The following CRACDL variants were observed in gnomAD, a reference collection of about 807,000 sequenced individuals.
CRACDL encodes CRACD like.
Under a neutral mutation model 70.6 loss-of-function variants are expected in CRACDL, and 26 were observed. The observed-to-expected ratio is 0.37, with a 90% CI of 0.27 to 0.51. The LOEUF is 0.51. Among genes scored for constraint, CRACDL ranks in the 20% least tolerant of loss-of-function variants. CRACDL has a pLI of 0.94. For missense variants in CRACDL, 1,283 were observed against 1,376.9 expected, an observed-to-expected ratio of 0.93 and a Z score of 1.08; for synonymous variants, 618 against 615.2, an observed-to-expected ratio of 1.00 and a Z score of -0.07.
chr2:98,924,231 G>C (rs544420414), intron 1 of CRACDL, among the ~76,000 whole-genome samples: 2 of 152,268 alleles, frequency 1.3e-5, no homozygotes, highest in African/African-American at 4.8e-5. Flanking sequence ...GTGCAAGTCA[G>C]GATCCTCCTG....
chr2:98,904,584 A>T (rs1174633817), intron 1 of CRACDL, among the ~76,000 whole-genome samples: 1 of 152,244 alleles, frequency 6.6e-6, no homozygotes, highest in African/African-American at 2.4e-5. Context: ...CTTCCAGGTG[A>T]CAATGGACCC....
intron 2 of CRACDL, among the ~76,000 whole-genome samples, chr2:98,845,197 C>CTTTT (rs35896034): frequency 9.3e-6 from 1 of 107,460 alleles, no homozygotes. Flanking sequence ...CTTTCTTCTT[C>CTTTT]TTCTTTTTTT....
chr2:98,916,190 GAC>G (rs1160082793), intron 1 of CRACDL, among the ~76,000 whole-genome samples: 1 of 152,192 alleles, frequency 6.6e-6, no homozygotes, highest in East Asian at 1.9e-4. Flanking sequence ...AGAAACCACT[GAC>G]ACACACAACT....
chr2:98,935,776 G>A (rs1185308017), intron 1 of CRACDL, among the ~76,000 whole-genome samples, 162 bp downstream of exon 1: 2 of 152,144 alleles, frequency 1.3e-5, no homozygotes, highest in African/African-American at 2.4e-5. Flanking sequence ...CTTCGGCGGC[G>A]GGGGTGGCGC....
At chr2:98,795,470 G>A (rs1254855602) in intron 9 of CRACDL, among the ~76,000 whole-genome samples, 2 of 152,118 alleles carry the variant, frequency 1.3e-5, no homozygotes, top group Non-Finnish European at 1.5e-5. Context: ...GGGTACATAC[G>A]TTAGGATTCT....
chr2:98,795,825 C>G (rs1488026716), intron 9 of CRACDL, among the ~76,000 whole-genome samples: 1 of 152,154 alleles, frequency 6.6e-6, no homozygotes, highest in Non-Finnish European at 1.5e-5. Flanking sequence ...GATTTCACAT[C>G]CTGAGGATAG....
intron 1 of CRACDL, among the ~76,000 whole-genome samples, chr2:98,888,603 A>C (rs1707857740): frequency 6.6e-6 from 1 of 152,240 alleles, no homozygotes; most frequent in Non-Finnish European, 1.5e-5. Context: ...GAATAGAGAC[A>C]CAAAAAAGAC....
Position 98,922,166 on chromosome 2 carries a change from T to C in CRACDL, c.-11+13772A>G, listed in dbSNP as rs1165186337. On this transcript the variant is annotated intron_variant, in intron 1 of 9. Transcript: ENST00000397899. The stretch of plus-strand genomic sequence containing the variant: ...AAGAAATTAAAATAGCCGGGCACGG[T>C]GGCTCACGCCTGTGATCCCAGCACT... Among the ~76,000 whole-genome samples, 6 of 152,196 alleles carry C rather than the reference T, an allele frequency of 3.9e-5. No homozygotes were observed. The East Asian group carries it at 1.2e-3, about 29-fold the overall frequency.
chr2:98,869,660 T>C (rs375368344), intron 1 of CRACDL, among the ~76,000 whole-genome samples: 5 of 152,266 alleles, frequency 3.3e-5, no homozygotes, highest in African/African-American at 1.2e-4. Flanking sequence ...TCCTCTCTCA[T>C]TCCAGCACCA....
intron 1 of CRACDL, among the ~76,000 whole-genome samples, chr2:98,915,424 G>T (rs1407897679): frequency 6.6e-6 from 1 of 152,068 alleles, no homozygotes; most frequent in African/African-American, 2.4e-5. Context: ...CAGGGAGCAG[G>T]CCATGGGACC....
At chr2:98,869,184 G>T (rs777187487) in intron 1 of CRACDL, 88 of 1,304,078 alleles carry the variant, frequency 6.7e-5, no homozygotes, top group Non-Finnish European at 8.5e-5. Flanking sequence ...GAGAAGAGTG[G>T]GCCTCCCTTT....
In CRACDL at chr2:98,904,656, TTTCATTC is replaced by T. The variant is rs536119684; in HGVS notation, c.-11+31275_-11+31281del. On this transcript the variant is annotated intron_variant, in intron 1 of 9. Coordinates refer to ENST00000397899, the MANE Select transcript of CRACDL (RefSeq NM_207362.3). Reference sequence around the variant, plus strand: ...ACAAAGCCACCTTTAATTTATTTCGTTTCATTCAAGAAGAACAAAACCATGTGGGCCC... The same window carrying T: ...ACAAAGCCACCTTTAATTTATTTCGTAAGAAGAACAAAACCATGTGGGCCC... Among the ~76,000 whole-genome samples the T allele has an allele frequency of 4.6e-5, 7 of 152,356 alleles. No individual in the cohort carries two copies. In the South Asian group the frequency reaches 1.5e-3, roughly 32 times the overall value.
intron 1 of CRACDL, among the ~76,000 whole-genome samples, chr2:98,879,782 GC>G (rs1212038197): frequency 1.3e-5 from 2 of 152,226 alleles, no homozygotes; most frequent in Non-Finnish European, 2.9e-5. Context: ...CTGAGCCCAG[GC>G]AATCCGCCCG....
At chr2:98,895,516 GA>G (rs1708097030) in intron 1 of CRACDL, among the ~76,000 whole-genome samples, 1 of 152,158 alleles carries the variant, frequency 6.6e-6, no homozygotes, top group African/African-American at 2.4e-5. Flanking sequence ...AGGCAGGGGG[GA>G]ACATAACCTG....
chr2:98,859,085 A>C (rs1706830373), intron 1 of CRACDL, among the ~76,000 whole-genome samples: 1 of 152,224 alleles, frequency 6.6e-6, no homozygotes, highest in Non-Finnish European at 1.5e-5. Context: ...CTTTCCCTTC[A>C]CAAACGCCTC....
At chr2:98,827,207 T>C (rs986115584) in intron 5 of CRACDL, 38 bp from the exon 6 acceptor site, 23 of 1,483,416 alleles carry the variant, frequency 1.6e-5, no homozygotes, top group Non-Finnish European at 2.2e-5. Context: ...GAGCATGAAC[T>C]TCACCGTGTG....
chr2:98,918,678 T>C (rs1468250534), intron 1 of CRACDL, among the ~76,000 whole-genome samples: 1 of 152,124 alleles, frequency 6.6e-6, no homozygotes, highest in Non-Finnish European at 1.5e-5. Flanking sequence ...TGCATTTCTC[T>C]AATGATTAGT....
At chr2:98,880,250 C>A (rs1017370239) in intron 1 of CRACDL, among the ~76,000 whole-genome samples, 1 of 152,152 alleles carries the variant, frequency 6.6e-6, no homozygotes, top group Non-Finnish European at 1.5e-5. Context: ...CAGAGGAGGA[C>A]GGGCTGTGCT....
chr2:98,918,691 T>A (rs1237735522), intron 1 of CRACDL, among the ~76,000 whole-genome samples: 2 of 152,194 alleles, frequency 1.3e-5, no homozygotes, highest in African/African-American at 4.8e-5. Flanking sequence ...TGATTAGTGA[T>A]GTTGAGCATT....
Sources: gnomAD v4.1 joint callset for allele counts (sites outside exome capture counted in the v4.1 genomes callset) on GRCh38, gnomAD v4.1.1 for gene constraint, MANE v1.5 for transcripts, NCBI Gene and HGNC (gene_info 2026-07-23, HGNC 2026-07-21) for gene names.